TRIM64B: variants seen among roughly 807,000 people sequenced by gnomAD.
TRIM64B encodes tripartite motif containing 64B, also known as tripartite motif-containing protein 64B.
For missense variants in TRIM64B, 57 were observed against 536.4 expected (o/e 0.11, Z 8.83); for synonymous variants, 17 against 190.3 (o/e 0.09, Z 7.50).
chr11:89,876,366 A>G (rs1950163594), upstream of TRIM64B, among the ~76,000 whole-genome samples: 1 of 147,458 alleles, frequency 6.8e-6, no homozygotes, highest in Non-Finnish European at 1.5e-5. Flanking sequence ...GCCTAATACA[A>G]TGTAAATGCT....
At chr11:89,871,922 C>A (rs1160819103) in intron 5 of TRIM64B, among the ~76,000 whole-genome samples, 1 of 54,712 alleles carries the variant, frequency 1.8e-5, no homozygotes, top group Non-Finnish European at 3.4e-5. Flanking sequence ...ACATGAAATA[C>A]TGATGCCGCC....
chr11:89,875,147 A>C, intron 1 of TRIM64B, 74 bp from the exon 3 acceptor site: 2 of 1,517,652 alleles, frequency 1.3e-6, no homozygotes, highest in Non-Finnish European at 1.8e-6. Flanking sequence ...TTAAAAAAAA[A>C]GGCTGTAATT....
upstream of TRIM64B, among the ~76,000 whole-genome samples, chr11:89,877,000 G>A (rs1590887489): frequency 1.4e-5 from 2 of 145,372 alleles, no homozygotes; most frequent in East Asian, 4.1e-4. Context: ...GCTAATTAAC[G>A]AAGAAGCACA....
chr11:89,875,789 C>A (rs1950158154), exon 1 of TRIM64B: 1 of 1,541,230 alleles, frequency 6.5e-7, no homozygotes. Flanking sequence ...GTCTGTCTGG[C>A]TAGGGAAGAC....
At chr11:89,872,715 G>A (rs28441618) in intron 4 of TRIM64B, among the ~76,000 whole-genome samples, 41,404 of 148,600 alleles carry the variant, frequency 0.28, 6,549 homozygotes, top group African/African-American at 0.46. Context: ...GTTCACTGAG[G>A]CAAAAGGCTT....
upstream of TRIM64B, among the ~76,000 whole-genome samples, chr11:89,877,578 T>G (rs1950172888): frequency 6.7e-6 from 1 of 148,672 alleles, no homozygotes. Context: ...TTAGATCTAT[T>G]GATCTATTTT....
upstream of TRIM64B, chr11:89,876,052 T>C (rs201392362): frequency 0.34 from 438,464 of 1,293,214 alleles, 48,361 homozygotes; most frequent in African/African-American, 0.61. Context: ...AAAGTGAGAA[T>C]TTCTTTCTCT....
At chr11:89,875,389 A>G (rs1288022540) in intron 1 of TRIM64B, among the ~76,000 whole-genome samples, 2 of 152,306 alleles carry the variant, frequency 1.3e-5, no homozygotes, top group East Asian at 1.9e-4. Context: ...ACGTTTGAAC[A>G]ATGTTTCTAA....
exon 1 of TRIM64B, chr11:89,875,822 T>G: frequency 6.5e-7 from 1 of 1,548,076 alleles, no homozygotes; most frequent in Non-Finnish European, 8.7e-7. Flanking sequence ...ACCAGATTGG[T>G]GTTGAAGTTG....
upstream of TRIM64B, chr11:89,876,123 T>G (rs2134712561): frequency 9.4e-7 from 1 of 1,065,492 alleles, no homozygotes; most frequent in South Asian, 1.7e-5. Flanking sequence ...CCTTGTCTAC[T>G]TGAGCTCTGT....
chr11:89,872,483 A>G lies in TRIM64B; in HGVS notation c.759-171T>C, dbSNP rs1950120894. 2.0e-5 allele frequency among the ~76,000 whole-genome samples: 3 copies of G among 151,922 alleles called. 1 individual carries two copies. Among genetic ancestry groups the G allele is most frequent in the Admixed American group, 6.5e-5 (1 of 15,300 alleles). On this transcript the variant is annotated intron_variant, in intron 4 of 5. Coordinates refer to ENST00000329862, the Ensembl canonical transcript of TRIM64B. ...GGGCAATAAGGATGTTACTTTTTCT[A>G]AACTTTGCTTCCATAAAAACCCAAT...
intron 3 of TRIM64B, 67 bp downstream of exon 4, chr11:89,873,982 T>A: frequency 9.6e-7 from 1 of 1,038,132 alleles, no homozygotes; most frequent in East Asian, 2.6e-5. Flanking sequence ...CAGGTGATAT[T>A]TGCATGTCCT....
At chr11:89,873,086 T>C (rs1398381366) in intron 4 of TRIM64B, among the ~76,000 whole-genome samples, 182 bp downstream of exon 5, 1 of 152,138 alleles carries the variant, frequency 6.6e-6, no homozygotes, top group African/African-American at 2.4e-5. Flanking sequence ...ATGTATGTTT[T>C]AATTCATACA....
At chr11:89,875,257 A>G (rs1950151139) in intron 1 of TRIM64B, among the ~76,000 whole-genome samples, 184 bp from the exon 3 acceptor site, 1 of 152,232 alleles carries the variant, frequency 6.6e-6, no homozygotes, top group South Asian at 2.1e-4. Flanking sequence ...TAGAAACATA[A>G]TAGAGAGTTT....
In TRIM64B at chr11:89,875,785, C is replaced by T. The variant is rs1352565036; in HGVS notation, c.233G>A (p.Arg78Lys). ...GTTGATGTTCTGAGGTCTGGTCTGT[C>T]TGGCTAGGGAAGACAGCTTTTTGAG... Residue 78 changes from arginine (R) to lysine (K), a missense_variant, in exon 1 of 6, where the codon AGA (arginine) becomes AAA (lysine). Arg to Lys is a conservative substitution (Grantham distance 26). Transcript: ENST00000329862. The T allele has an allele frequency of 1.3e-6, 2 of 1,542,844 alleles. No individual in the cohort carries two copies. The highest frequency in any genetic ancestry group is 1.4e-5 in the African/African-American group (1 of 72,840).
chr11:89,873,783 C>T (rs1449897272), intron 3 of TRIM64B, among the ~76,000 whole-genome samples: 26 of 111,130 alleles, frequency 2.3e-4, no homozygotes, highest in South Asian at 1.1e-3. Flanking sequence ...AGAGTTCTAA[C>T]GATTTTAGAT....
chr11:89,875,278 T>G (rs559889242), intron 1 of TRIM64B, among the ~76,000 whole-genome samples: 1 of 152,254 alleles, frequency 6.6e-6, no homozygotes, highest in Non-Finnish European at 1.5e-5. Context: ...TAAGGGACCC[T>G]TCAGATAATA....
chr11:89,870,718 C>T (rs1181648117), exon 6 of TRIM64B: 1 of 1,551,572 alleles, frequency 6.4e-7, no homozygotes, highest in Middle Eastern at 1.7e-4. Flanking sequence ...ATCAAAAAAA[C>T]TCACAGATCC....
intron 4 of TRIM64B, among the ~76,000 whole-genome samples, chr11:89,872,848 C>T (rs570020119): frequency 2.9e-4 from 44 of 151,768 alleles, no homozygotes; most frequent in Admixed American, 5.9e-4. Flanking sequence ...GGAGCAGGCC[C>T]GGGTCATTGA....
Sources: gnomAD v4.1 joint callset for allele counts (sites outside exome capture counted in the v4.1 genomes callset) on GRCh38, gnomAD v4.1.1 for gene constraint, MANE v1.5 for transcripts, NCBI Gene and HGNC (gene_info 2026-07-23, HGNC 2026-07-21) for gene names.